Variants in ZFAT observed in about 807,000 individuals in gnomAD.
The protein encoded by ZFAT is zinc finger protein ZFAT.
Under a neutral mutation model 117.7 loss-of-function variants are expected in ZFAT, and 64 were observed. The ratio of observed to expected loss-of-function variants is 0.54; its 90% confidence interval spans 0.44 to 0.67. The LOEUF is 0.67. Among genes scored for constraint, ZFAT ranks in the 30% least tolerant of loss-of-function variants. The pLI, the probability that ZFAT is intolerant of heterozygous loss-of-function variation, is 0.00. For synonymous variants in ZFAT, 679 were observed against 615.0 expected (o/e 1.10, Z -1.54); for missense variants, 1,433 against 1,584.5 (o/e 0.90, Z 1.62).
chr8:134,525,986 C>G (rs1266384210), intron 12 of ZFAT, among the ~76,000 whole-genome samples: 2 of 152,162 alleles, frequency 1.3e-5, no homozygotes, highest in South Asian at 2.1e-4. Flanking sequence ...CAGATAAAAT[C>G]ATGTCTTTTC....
chr8:134,575,734 T>C (rs116136534), intron 10 of ZFAT, among the ~76,000 whole-genome samples: 1,708 of 152,316 alleles, frequency 0.011, 25 homozygotes, highest in African/African-American at 0.038. Context: ...CGCTTCTCCA[T>C]GTAGCCCAGC....
At chr8:134,723,047 T>G in the ZFAT span, 1 of 152,278 alleles carries the variant, frequency 6.6e-6, no homozygotes, top group Non-Finnish European at 1.5e-5. Flanking sequence ...ACCTTGATCT[T>G]GGACTTCTAG....
chr8:134,745,590 G>A, the ZFAT span, among the ~76,000 whole-genome samples: 1 of 152,190 alleles, frequency 6.6e-6, no homozygotes, highest in Non-Finnish European at 1.5e-5. Flanking sequence ...AAAAAGTGCC[G>A]TGGACTCCCC....
At chr8:134,504,278 C>T (rs1451121572) in intron 15 of ZFAT, among the ~76,000 whole-genome samples, 1 of 152,216 alleles carries the variant, frequency 6.6e-6, no homozygotes, top group Non-Finnish European at 1.5e-5. Flanking sequence ...CCCCAGTCTG[C>T]TGTTTAGGGC....
intron 7 of ZFAT, among the ~76,000 whole-genome samples, chr8:134,596,260 GA>G (rs767364938): frequency 8.5e-5 from 13 of 152,272 alleles, no homozygotes; most frequent in Non-Finnish European, 1.8e-4. Context: ...AGAAAGCAGG[GA>G]AGTATTTTTC....
At chr8:134,768,159 A>C in the ZFAT span, among the ~76,000 whole-genome samples, 2 of 152,108 alleles carry the variant, frequency 1.3e-5, no homozygotes, top group African/African-American at 4.8e-5. Flanking sequence ...TGTAAGCTCC[A>C]TTTTTTCCAA....
At chr8:134,789,279 A>G in the ZFAT span, among the ~76,000 whole-genome samples, 1 of 152,310 alleles carries the variant, frequency 6.6e-6, no homozygotes, top group Non-Finnish European at 1.5e-5. Context: ...ACTCCAGTAC[A>G]AACTTCTCCT....
At chr8:134,562,425 G>C (rs1359987283) in intron 11 of ZFAT, among the ~76,000 whole-genome samples, 2 of 152,220 alleles carry the variant, frequency 1.3e-5, no homozygotes, top group African/African-American at 4.8e-5. Flanking sequence ...GAAGACGACA[G>C]GGAGAGAGTG....
At chr8:134,802,842 CTGA>C in the ZFAT span, among the ~76,000 whole-genome samples, 10 of 152,166 alleles carry the variant, frequency 6.6e-5, no homozygotes, top group African/African-American at 2.2e-4. Flanking sequence ...TTGACAAATA[CTGA>C]TGATCTAACA....
At chr8:134,715,005 G>A (rs748125293), upstream of ZFAT, among the ~76,000 whole-genome samples, 2 of 152,174 alleles carry the variant, frequency 1.3e-5, no homozygotes, top group African/African-American at 4.8e-5. Flanking sequence ...ATTGATGAGC[G>A]TTTCCTTTTA....
chr8:134,517,697 C>T (rs546950494), intron 13 of ZFAT, among the ~76,000 whole-genome samples: 5 of 152,242 alleles, frequency 3.3e-5, no homozygotes, highest in Non-Finnish European at 7.3e-5. Flanking sequence ...AGCCATCATG[C>T]CTCCGTTGTC....
At chr8:134,490,603 G>T in intron 15 of ZFAT, among the ~76,000 whole-genome samples, 1 of 152,336 alleles carries the variant, frequency 6.6e-6, no homozygotes, top group Admixed American at 6.5e-5. Flanking sequence ...CTGACAGAGG[G>T]GCTACGGAAT....
At chr8:134,713,162 G>T (rs908658999), upstream of ZFAT, 3 of 310,628 alleles carry the variant, frequency 9.7e-6, no homozygotes, top group Non-Finnish European at 1.8e-5. Flanking sequence ...GTCGGAGGCC[G>T]TGCTTTTTAT....
chr8:134,508,030 G>T (rs1010722786), intron 15 of ZFAT, among the ~76,000 whole-genome samples: 16 of 152,114 alleles, frequency 1.1e-4, no homozygotes, highest in African/African-American at 3.9e-4. Flanking sequence ...TCTTTTCTCA[G>T]CCAACGCAGA....
At chr8:134,584,302 C>G (rs1343726630) in intron 9 of ZFAT, among the ~76,000 whole-genome samples, 1 of 152,156 alleles carries the variant, frequency 6.6e-6, no homozygotes, top group Non-Finnish European at 1.5e-5. Flanking sequence ...GCCTCCCTAT[C>G]AATGTTCCCA....
chr8:134,581,083 C>G (rs1268712020), intron 10 of ZFAT, among the ~76,000 whole-genome samples: 1 of 152,008 alleles, frequency 6.6e-6, no homozygotes, highest in Admixed American at 6.5e-5. Context: ...ATGAGCACTA[C>G]AGAAATAAGC....
chr8:134,706,538 A>G lies in ZFAT; in HGVS notation c.19+6307T>C, dbSNP rs1328193183. On this transcript the variant is annotated intron_variant, in intron 1 of 15. Transcript: ENST00000377838. ...GAAACCCCGTCTCCACTAAAAATAC[A>G]GAAATTAACCAGGTGTGGTGGTATC... Among the ~76,000 whole-genome samples, 4 of 152,144 alleles carry G rather than the reference A, an allele frequency of 2.6e-5. No individual in the cohort carries two copies. The East Asian group carries it at 7.7e-4, about 29-fold the overall frequency.
At chr8:134,816,482 GAA>G in the ZFAT span, among the ~76,000 whole-genome samples, 3 of 130,486 alleles carry the variant, frequency 2.3e-5, no homozygotes, top group South Asian at 4.8e-4. Context: ...CCAGTAAAAA[GAA>G]AAAAAAAAAA....
the ZFAT span, among the ~76,000 whole-genome samples, chr8:134,825,641 T>A: frequency 1.3e-5 from 2 of 151,376 alleles, no homozygotes; most frequent in African/African-American, 4.9e-5. Flanking sequence ...GAAAAAGGAG[T>A]GAGAGAAGCA....
Sources: gnomAD v4.1 joint callset for allele counts (sites outside exome capture counted in the v4.1 genomes callset) on GRCh38, gnomAD v4.1.1 for gene constraint, MANE v1.5 for transcripts, NCBI Gene and HGNC (gene_info 2026-07-23, HGNC 2026-07-21) for gene names.